Variants in MSH3 observed in about 807,000 individuals in gnomAD.
MSH3 encodes mutS homolog 3.
MSH3 carries 106 observed loss-of-function variants against 123.3 expected under a neutral mutation model. That is an observed-to-expected ratio of 0.86 (90% CI 0.73 to 1.01). MSH3 has a LOEUF of 1.01. Ranked by LOEUF, MSH3 falls within the 50% of genes least tolerant of loss-of-function variation. The pLI is 0.00. For synonymous variants in MSH3, 515 were observed against 481.4 expected (o/e 1.07, Z -0.91); for missense variants, 1,459 against 1,347.6 (o/e 1.08, Z -1.29).
chr5:80,789,951 T>C (rs1469020803), intron 18 of MSH3, among the ~76,000 whole-genome samples: 1 of 152,238 alleles, frequency 6.6e-6, no homozygotes, highest in Admixed American at 6.5e-5. Flanking sequence ...GCTGTTTACC[T>C]GTTATGTTGA....
intron 19 of MSH3, among the ~76,000 whole-genome samples, chr5:80,809,096 T>A (rs1407995974): frequency 6.6e-6 from 1 of 151,686 alleles, no homozygotes; most frequent in Non-Finnish European, 1.5e-5. Flanking sequence ...ATCTTTTATT[T>A]TTAAGAATTT....
chr5:80,865,830 C>T (rs1237747299), intron 22 of MSH3, among the ~76,000 whole-genome samples: 2 of 152,190 alleles, frequency 1.3e-5, no homozygotes, highest in Admixed American at 1.3e-4. Flanking sequence ...AATCAGGCAG[C>T]TGGCCCAAAT....
At chr5:80,750,076 A>AGTGTGTGTGT (rs1198301474) in intron 12 of MSH3, among the ~76,000 whole-genome samples, 4 of 39,858 alleles carry the variant, frequency 1.0e-4, no homozygotes, top group Non-Finnish European at 1.6e-4. Flanking sequence ...ATAGTATTCC[A>AGTGTGTGTGT]GAGTGTGTGT....
At chr5:80,760,649 C>A (rs1032360638) in intron 12 of MSH3, among the ~76,000 whole-genome samples, 1 of 152,218 alleles carries the variant, frequency 6.6e-6, no homozygotes, top group Admixed American at 6.5e-5. Flanking sequence ...CAAACAAATT[C>A]TCCGTCTAAG....
chr5:80,740,822 C>T (rs749949022), intron 10 of MSH3, among the ~76,000 whole-genome samples: 12 of 150,516 alleles, frequency 8.0e-5, no homozygotes, highest in Non-Finnish European at 1.2e-4. Flanking sequence ...TCAAGTGATT[C>T]TTGTGCTTCA....
At chr5:80,718,777 C>G (rs1373187229) in intron 8 of MSH3, among the ~76,000 whole-genome samples, 1 of 151,760 alleles carries the variant, frequency 6.6e-6, no homozygotes, top group Non-Finnish European at 1.5e-5. Context: ...ACAAGTCTTG[C>G]TTTTTAAAGT....
At chr5:80,683,547 A>G (rs1750018051) in intron 8 of MSH3, among the ~76,000 whole-genome samples, 1 of 152,106 alleles carries the variant, frequency 6.6e-6, no homozygotes, top group South Asian at 2.1e-4. Context: ...TTTAAATTGG[A>G]TAATTAGATT....
chr5:80,752,881 G>T (rs1425867419), intron 12 of MSH3, among the ~76,000 whole-genome samples: 5 of 152,082 alleles, frequency 3.3e-5, no homozygotes, highest in Non-Finnish European at 7.4e-5. Context: ...TGTTATAAAA[G>T]AACACATAAA....
intron 8 of MSH3, among the ~76,000 whole-genome samples, chr5:80,704,188 A>G (rs1043913910): frequency 2.0e-5 from 3 of 152,090 alleles, no homozygotes; most frequent in African/African-American, 7.2e-5. Flanking sequence ...ACTGAGGGTG[A>G]CCTGCGTGGG....
chr5:80,757,740 TG>T (rs1554071803), intron 12 of MSH3, among the ~76,000 whole-genome samples: 2 of 152,198 alleles, frequency 1.3e-5, no homozygotes, highest in Non-Finnish European at 2.9e-5. Context: ...TTTTGTTTCC[TG>T]TTGCTATCAC....
chr5:80,829,856 G>A (rs1165626332), intron 20 of MSH3, among the ~76,000 whole-genome samples: 2 of 152,148 alleles, frequency 1.3e-5, no homozygotes, highest in Non-Finnish European at 2.9e-5. Flanking sequence ...GAAGCCATTT[G>A]TGCCTGGTGT....
At chr5:80,742,351 G>T (rs1743632313) in intron 11 of MSH3, among the ~76,000 whole-genome samples, 1 of 152,168 alleles carries the variant, frequency 6.6e-6, no homozygotes, top group Non-Finnish European at 1.5e-5. Flanking sequence ...CTTTGTTGAT[G>T]AATTAGGAAG....
intron 8 of MSH3, among the ~76,000 whole-genome samples, chr5:80,724,410 T>G (rs1743215317): frequency 6.6e-6 from 1 of 152,104 alleles, no homozygotes; most frequent in Admixed American, 6.5e-5. Context: ...TATATGCTTG[T>G]GTATGACCAA....
At chr5:80,658,510 G>C (rs1482194535) in intron 2 of MSH3, among the ~76,000 whole-genome samples, 1 of 152,190 alleles carries the variant, frequency 6.6e-6, no homozygotes, top group East Asian at 1.9e-4. Flanking sequence ...TTTAAAATAG[G>C]ACCTTTGCCA....
intron 20 of MSH3, among the ~76,000 whole-genome samples, chr5:80,837,179 A>G (rs911602306): frequency 1.3e-5 from 2 of 152,230 alleles, no homozygotes; most frequent in Admixed American, 6.5e-5. Flanking sequence ...TACGGAGCTA[A>G]AAGATAAATT....
intron 8 of MSH3, among the ~76,000 whole-genome samples, chr5:80,720,345 G>A (rs1751053367): frequency 6.6e-6 from 1 of 152,030 alleles, no homozygotes; most frequent in Non-Finnish European, 1.5e-5. Context: ...TGCCAACTTT[G>A]TACCTTGGGG....
chr5:80,812,921 G>A (rs370674356), intron 19 of MSH3, among the ~76,000 whole-genome samples: 7 of 152,158 alleles, frequency 4.6e-5, no homozygotes, highest in African/African-American at 1.7e-4. Context: ...CCCAGAGCAT[G>A]GATGCCCTGG....
chr5:80,871,103 G>A (rs1343612994), intron 22 of MSH3, among the ~76,000 whole-genome samples: 1 of 152,084 alleles, frequency 6.6e-6, no homozygotes, highest in African/African-American at 2.4e-5. Context: ...GGGTCCTCTA[G>A]GAGGCAGATT....
intron 20 of MSH3, among the ~76,000 whole-genome samples, chr5:80,836,807 T>G (rs1434920332): frequency 6.7e-6 from 1 of 148,426 alleles, no homozygotes; most frequent in Non-Finnish European, 1.5e-5. Context: ...TTGTATTGTT[T>G]TTTATTTTTA....
Sources: allele counts gnomAD v4.1 joint callset (sites outside exome capture counted in the v4.1 genomes callset), GRCh38; gene constraint gnomAD v4.1.1; transcripts MANE v1.5; gene names NCBI Gene and HGNC (gene_info 2026-07-23, HGNC 2026-07-21).